The following DENND1A variants were observed in gnomAD, a reference collection of about 807,000 sequenced individuals.
DENND1A encodes DENN domain-containing protein 1A.
Under a neutral mutation model 113.7 loss-of-function variants are expected in DENND1A, and 51 were observed. That is an observed-to-expected ratio of 0.45 (90% confidence interval 0.36 to 0.57). The LOEUF is 0.57. DENND1A is among the 20% of genes least tolerant of loss of function. The probability of loss-of-function intolerance (pLI) is 0.00; values close to 1 mark genes in which losing one functional copy is unlikely to be tolerated. For missense variants in DENND1A, 1,258 were observed against 1,395.9 expected (o/e 0.90, Z 1.57); for synonymous variants, 565 against 570.8 (o/e 0.99, Z 0.14).
intron 7 of DENND1A, among the ~76,000 whole-genome samples, chr9:123,667,511 G>A (rs1308810486): frequency 6.6e-6 from 1 of 152,162 alleles, no homozygotes; most frequent in East Asian, 1.9e-4. Flanking sequence ...CAGACACTCG[G>A]GAAGCTAAAG....
At chr9:123,480,079 C>G (rs1266620982) in intron 13 of DENND1A, among the ~76,000 whole-genome samples, 2 of 152,210 alleles carry the variant, frequency 1.3e-5, no homozygotes, top group Non-Finnish European at 2.9e-5. Flanking sequence ...TACAAAATAA[C>G]AGACCTTCTG....
intron 1 of DENND1A, among the ~76,000 whole-genome samples, chr9:123,928,032 C>A (rs765990046): frequency 6.6e-6 from 1 of 152,230 alleles, no homozygotes; most frequent in East Asian, 1.9e-4. Flanking sequence ...ATTTCCCAAG[C>A]CTAAGTTTTT....
intron 2 of DENND1A, among the ~76,000 whole-genome samples, chr9:123,800,264 C>G (rs1022151744): frequency 2.0e-5 from 3 of 152,236 alleles, no homozygotes; most frequent in Admixed American, 6.5e-5. Flanking sequence ...AATTCCTTTG[C>G]TTTCTAAGTT....
At chr9:123,722,845 C>T (rs1213848703) in intron 5 of DENND1A, among the ~76,000 whole-genome samples, 1 of 152,220 alleles carries the variant, frequency 6.6e-6, no homozygotes, top group Non-Finnish European at 1.5e-5. Flanking sequence ...TAGGGCAGTG[C>T]AGAAGGGAAA....
In DENND1A at chr9:123,671,311, C is replaced by A. The variant is rs776186513; in HGVS notation, c.433G>T (p.Val145Leu). ...LHKLPIPDPG[V>L]SVHLSVHSYF... ...CTTACCACGCTGAGATGGACAGACA[C>A]TCCTGGGTCAGGGATGGGAAGTTTG... is the stretch of plus-strand genomic sequence containing the variant. Residue 145 changes from valine to leucine, a missense_variant, in exon 7 of 24, where the codon GTG becomes TTG. By Grantham distance (32) the Val-to-Leu change is conservative. Transcript: ENST00000394215. The A allele has an allele frequency of 1.4e-5, 23 of 1,614,088 alleles. No individual in the cohort carries two copies. The South Asian group carries it at 2.2e-4, about 15-fold the overall frequency.
intron 13 of DENND1A, among the ~76,000 whole-genome samples, chr9:123,549,386 C>G (rs2056903897): frequency 6.6e-6 from 1 of 152,154 alleles, no homozygotes; most frequent in Non-Finnish European, 1.5e-5. Flanking sequence ...TGGGAATCCT[C>G]TGCTTGTCTG....
At chr9:123,395,914 C>G (rs926797137) in intron 21 of DENND1A, among the ~76,000 whole-genome samples, 2 of 152,070 alleles carry the variant, frequency 1.3e-5, no homozygotes, top group Non-Finnish European at 1.5e-5. Flanking sequence ...GGTCTGGGCT[C>G]GGATGTGGTC....
intron 10 of DENND1A, among the ~76,000 whole-genome samples, chr9:123,626,736 A>G (rs1329063060): frequency 1.3e-5 from 2 of 152,196 alleles, no homozygotes; most frequent in South Asian, 4.1e-4. Flanking sequence ...GCTCAAGCAC[A>G]GGGAGTTTAA....
At chr9:123,625,233 C>A (rs1235542542) in intron 10 of DENND1A, among the ~76,000 whole-genome samples, 1 of 152,218 alleles carries the variant, frequency 6.6e-6, no homozygotes, top group Non-Finnish European at 1.5e-5. Context: ...TACCAATCAT[C>A]TGCGAAATGG....
chr9:123,916,641 G>C (rs989511725), intron 1 of DENND1A, among the ~76,000 whole-genome samples: 7 of 152,056 alleles, frequency 4.6e-5, no homozygotes, highest in African/African-American at 1.7e-4. Flanking sequence ...CCAGAGTGCT[G>C]GGATTAAAGG....
chr9:123,521,845 G>A (rs764835665), intron 13 of DENND1A, among the ~76,000 whole-genome samples: 8 of 152,188 alleles, frequency 5.3e-5, no homozygotes, highest in Non-Finnish European at 8.8e-5. Context: ...CTGTAACAGG[G>A]ATGCTACCAT....
At chr9:123,589,017 C>A (rs1296449512) in intron 11 of DENND1A, among the ~76,000 whole-genome samples, 1 of 152,170 alleles carries the variant, frequency 6.6e-6, no homozygotes, top group Non-Finnish European at 1.5e-5. Context: ...CCACCCACCT[C>A]GGCCTCCCAA....
At chr9:123,801,616 T>C (rs1283400280) in intron 2 of DENND1A, among the ~76,000 whole-genome samples, 2 of 152,238 alleles carry the variant, frequency 1.3e-5, no homozygotes, top group African/African-American at 4.8e-5. Flanking sequence ...GGTCCCTGCT[T>C]TCACTTCTTT....
intron 2 of DENND1A, among the ~76,000 whole-genome samples, chr9:123,876,719 T>C (rs186813610): frequency 2.0e-5 from 3 of 152,300 alleles, no homozygotes; most frequent in Admixed American, 2.0e-4. Context: ...GCAATCCCAT[T>C]ACCGAGTATA....
chr9:123,531,133 T>A (rs2055260252), intron 13 of DENND1A, among the ~76,000 whole-genome samples: 1 of 152,182 alleles, frequency 6.6e-6, no homozygotes, highest in Admixed American at 6.6e-5. Context: ...CTATTCTGGG[T>A]TAGACTTCCA....
Position 123,839,591 on chromosome 9 carries a change from AACACG to A in DENND1A, c.88+39355_88+39359del, listed in dbSNP as rs981483009. Among the ~76,000 whole-genome samples, 4 of 152,324 alleles carry A rather than the reference AACACG, an allele frequency of 2.6e-5. No individual in the cohort carries two copies. In the East Asian group the frequency reaches 7.7e-4, roughly 29 times the overall value. On this transcript the variant is annotated intron_variant, in intron 2 of 23. Coordinates refer to ENST00000394215, the MANE Select transcript of DENND1A (RefSeq NM_001352964.2). ...TAAGGAAATAAACAGTATTTGACACAACACGACACTTTATTCCAATTTATCATCTA... is the reference window on the plus strand; with the variant it reads ...TAAGGAAATAAACAGTATTTGACACAACACTTTATTCCAATTTATCATCTA...
chr9:123,891,894 C>G (rs764618443), intron 1 of DENND1A, among the ~76,000 whole-genome samples: 1 of 152,126 alleles, frequency 6.6e-6, no homozygotes, highest in Non-Finnish European at 1.5e-5. Flanking sequence ...AACAAGTGAG[C>G]TGAGCCCTCT....
At chr9:123,812,112 G>A (rs1836719327) in intron 2 of DENND1A, among the ~76,000 whole-genome samples, 1 of 152,102 alleles carries the variant, frequency 6.6e-6, no homozygotes, top group African/African-American at 2.4e-5. Flanking sequence ...CATTTTTTAA[G>A]GTTGGCATGC....
intron 1 of DENND1A, among the ~76,000 whole-genome samples, chr9:123,879,736 G>A: frequency 6.6e-6 from 1 of 152,124 alleles, no homozygotes; most frequent in East Asian, 1.9e-4. Flanking sequence ...CCTCTCCTCA[G>A]TATATTCCAG....
Sources: allele counts gnomAD v4.1 joint callset (sites outside exome capture counted in the v4.1 genomes callset), GRCh38; gene constraint gnomAD v4.1.1; transcripts MANE v1.5; gene names NCBI Gene and HGNC (gene_info 2026-07-23, HGNC 2026-07-21).